Variants in SNX29 observed in about 807,000 individuals in gnomAD.
SNX29 encodes sorting nexin-29.
A neutral mutation model predicts 102.1 loss-of-function variants in SNX29; 78 were observed. The ratio of observed to expected loss-of-function variants is 0.76; its 90% CI spans 0.64 to 0.92. The LOEUF is 0.92. SNX29 is among the 40% of genes least tolerant of loss of function. The pLI, the probability that SNX29 is intolerant of heterozygous loss-of-function variation, is 0.00. For missense variants in SNX29, 1,280 were observed against 1,061.7 expected, an observed-to-expected ratio of 1.21 and a Z score of -2.86; for synonymous variants, 580 against 414.5, an observed-to-expected ratio of 1.40 and a Z score of -4.85.
intron 13 of SNX29, among the ~76,000 whole-genome samples, chr16:12,175,398 G>A (rs1596430500): frequency 6.6e-6 from 1 of 152,134 alleles, no homozygotes; most frequent in Admixed American, 6.5e-5. Context: ...GGAGACCATG[G>A]CAGGTGGATC....
chr16:12,527,297 C>G lies in SNX29; in HGVS notation c.2318+2456C>G, dbSNP rs370059830. On this transcript the variant is annotated intron_variant, in intron 20 of 20. Coordinates refer to ENST00000566228, the MANE Select transcript of SNX29 (RefSeq NM_032167.5). ...GTGTCCTTTCTCCATGTGCTGCCCA[C>G]AGAAAGCAGCGAGACTGCTGTCTCA... The G allele has an allele frequency of 2.8e-5, 15 of 531,812 alleles. No individual in the cohort carries two copies. In the Admixed American group the frequency reaches 3.1e-4, roughly 11 times the overall value. The allele number at this position is 531,812 out of a possible 1,614,324, so 32.9% of individuals were successfully genotyped here.
intron 14 of SNX29, among the ~76,000 whole-genome samples, chr16:12,212,336 T>C (rs1037953724): frequency 6.6e-6 from 1 of 152,222 alleles, no homozygotes; most frequent in Non-Finnish European, 1.5e-5. Context: ...ACCATTGACT[T>C]TCCGCTTCTC....
In SNX29 at chr16:12,570,210, TG is replaced by T; in HGVS notation, c.*1585del. On this transcript the variant is annotated 3_prime_UTR_variant, in exon 21 of 21. Transcript: ENST00000566228. Reference sequence around the variant, plus strand: ...AGCCTACATGACTTCCAAGGGGACCTGGGGCCAGATAAGCCCTGCCCCGGTG... The same window carrying T: ...AGCCTACATGACTTCCAAGGGGACCTGGGCCAGATAAGCCCTGCCCCGGTG... 9.4e-7 allele frequency: 1 copy of T among 1,064,854 alleles called. No homozygotes were observed. The highest frequency in any genetic ancestry group is 1.1e-6 in the Non-Finnish European group (1 of 878,998). The allele number at this position is 1,064,854 out of a possible 1,614,324, so 66.0% of individuals were successfully genotyped here. A position where few individuals can be genotyped will look rare whatever the true frequency, so the allele number is the denominator to read the frequency against.
chr16:12,442,734 G>A (rs1174924658), intron 18 of SNX29, among the ~76,000 whole-genome samples: 16 of 151,832 alleles, frequency 1.1e-4, no homozygotes, highest in Admixed American at 9.8e-4. Context: ...GGGACTATAG[G>A]CACTTGACAC....
chr16:12,552,261 G>C (rs982418301), intron 20 of SNX29, among the ~76,000 whole-genome samples: 3 of 152,146 alleles, frequency 2.0e-5, no homozygotes, highest in African/African-American at 7.2e-5. Flanking sequence ...CTAGGGGCTC[G>C]TAAGCCCTGG....
chr16:12,561,591 G>C (rs1184213888), intron 20 of SNX29, among the ~76,000 whole-genome samples: 3 of 152,088 alleles, frequency 2.0e-5, no homozygotes, highest in Non-Finnish European at 4.4e-5. Flanking sequence ...TCAGCCGCAT[G>C]CTGGTGACAG....
At chr16:12,077,489 C>A (rs2051637039) in intron 10 of SNX29, among the ~76,000 whole-genome samples, 1 of 150,138 alleles carries the variant, frequency 6.7e-6, no homozygotes, top group African/African-American at 2.5e-5. Flanking sequence ...CTTTATTTTT[C>A]ATGTTGTAAA....
chr16:12,359,659 A>T (rs2082245351), intron 16 of SNX29, among the ~76,000 whole-genome samples: 1 of 152,228 alleles, frequency 6.6e-6, no homozygotes, highest in African/African-American at 2.4e-5. Flanking sequence ...CGGCCTCAGT[A>T]ATAATCAACT....
At chr16:12,422,269 CAG>C (rs1597325984) in intron 18 of SNX29, among the ~76,000 whole-genome samples, 2 of 152,112 alleles carry the variant, frequency 1.3e-5, no homozygotes, top group Admixed American at 6.5e-5. Context: ...CATCTGCAAA[CAG>C]AGATGAAAAT....
At chr16:12,490,299 G>C (rs901969841) in intron 19 of SNX29, among the ~76,000 whole-genome samples, 2 of 152,202 alleles carry the variant, frequency 1.3e-5, no homozygotes, top group Admixed American at 6.5e-5. Context: ...GCTTTTGCCT[G>C]TATGTACTCC....
At position 12,362,108 on chromosome 16, in the gene SNX29, C is replaced by T. The variant is rs375878855; in HGVS notation, c.1899+5829C>T. On this transcript the variant is annotated intron_variant, in intron 16 of 20. Transcript: ENST00000566228. ...TTAGAGATCTTCTAATTTTACTTCA[C>T]GAGTAGAATTGTTGTTCATTTTAAG... Among the ~76,000 whole-genome samples the T allele has an allele frequency of 1.4e-4, 21 of 152,354 alleles. No individual in the cohort carries two copies. The East Asian group carries it at 3.7e-3, about 27-fold the overall frequency.
chr16:12,490,281 C>T (rs901168752), intron 19 of SNX29, among the ~76,000 whole-genome samples: 1 of 152,172 alleles, frequency 6.6e-6, no homozygotes, highest in East Asian at 1.9e-4. Context: ...TTTCTGATAC[C>T]ATAGTGTGCT....
At chr16:12,422,419 T>G (rs957955864) in intron 18 of SNX29, among the ~76,000 whole-genome samples, 2 of 152,274 alleles carry the variant, frequency 1.3e-5, no homozygotes, top group East Asian at 3.9e-4. Context: ...TTAGGCGGGG[T>G]GGGGCAGACT....
intron 13 of SNX29, among the ~76,000 whole-genome samples, chr16:12,157,882 C>T (rs866706558): frequency 6.6e-6 from 1 of 152,206 alleles, no homozygotes; most frequent in Admixed American, 6.5e-5. Flanking sequence ...GGCTTCTGTT[C>T]ATGCATCAGG....
intron 13 of SNX29, among the ~76,000 whole-genome samples, chr16:12,166,683 C>G (rs551467520): frequency 4.5e-4 from 69 of 152,272 alleles, no homozygotes; most frequent in African/African-American, 1.6e-3. Flanking sequence ...ATCCCGTGTA[C>G]CCACCCTCCT....
At chr16:12,249,709 G>A (rs1319885078) in intron 14 of SNX29, among the ~76,000 whole-genome samples, 2 of 152,176 alleles carry the variant, frequency 1.3e-5, no homozygotes, top group African/African-American at 4.8e-5. Context: ...GTATTTCACA[G>A]GGAGATCATT....
At chr16:12,149,583 A>G (rs1396698470) in intron 13 of SNX29, among the ~76,000 whole-genome samples, 1 of 151,956 alleles carries the variant, frequency 6.6e-6, no homozygotes, top group Non-Finnish European at 1.5e-5. Context: ...AAAGACCTTG[A>G]CTCTAATCCC....
At chr16:12,021,880 G>A (rs1270319651) in intron 3 of SNX29, among the ~76,000 whole-genome samples, 2 of 151,328 alleles carry the variant, frequency 1.3e-5, no homozygotes, top group Non-Finnish European at 2.9e-5. Context: ...AACAGAGCGA[G>A]GCTCCATCTC....
At chr16:12,092,313 G>A (rs1399146307) in intron 11 of SNX29, among the ~76,000 whole-genome samples, 3 of 144,322 alleles carry the variant, frequency 2.1e-5, no homozygotes, top group Non-Finnish European at 3.0e-5. Flanking sequence ...AAGGAACAAA[G>A]GAACTAATGT....
Sources: allele counts gnomAD v4.1 joint callset (sites outside exome capture counted in the v4.1 genomes callset), GRCh38; gene constraint gnomAD v4.1.1; transcripts MANE v1.5; gene names NCBI Gene and HGNC (gene_info 2026-07-23, HGNC 2026-07-21).